Variants in GPC5 observed in about 807,000 individuals in gnomAD.
GPC5 encodes the protein glypican-5.
In GPC5, 47 loss-of-function variants were observed where a neutral mutation model predicts 53.9. The observed-to-expected ratio is 0.87, with a 90% CI of 0.69 to 1.11. The LOEUF (loss-of-function observed/expected upper bound fraction) is 1.11, where lower values mean the gene tolerates loss of function less well. Ranked by LOEUF, GPC5 falls within the 50% of genes most tolerant of loss-of-function variation. The pLI, the probability that GPC5 is intolerant of heterozygous loss-of-function variation, is 0.00. For synonymous variants in GPC5, 286 were observed against 263.3 expected, an observed-to-expected ratio of 1.09 and a Z score of -0.84; for missense variants, 748 against 713.1, an observed-to-expected ratio of 1.05 and a Z score of -0.56.
intron 5 of GPC5, among the ~76,000 whole-genome samples, chr13:91,849,136 C>T (rs1452811353): frequency 6.6e-6 from 1 of 152,170 alleles, no homozygotes; most frequent in Non-Finnish European, 1.5e-5. Flanking sequence ...AAACACATTG[C>T]TCTTTTTCTG....
At chr13:92,376,755 C>T (rs574338492) in intron 7 of GPC5, among the ~76,000 whole-genome samples, 1 of 152,098 alleles carries the variant, frequency 6.6e-6, no homozygotes, top group African/African-American at 2.4e-5. Flanking sequence ...GTGGCTCACG[C>T]CTGTAATCCC....
chr13:91,691,226 C>T (rs112376097), intron 2 of GPC5, among the ~76,000 whole-genome samples: 12 of 152,200 alleles, frequency 7.9e-5, no homozygotes, highest in South Asian at 2.1e-4. Flanking sequence ...ATATTTTACA[C>T]GTATTTGCAA....
chr13:91,475,429 G>A (rs569619708), intron 2 of GPC5, among the ~76,000 whole-genome samples: 1 of 152,266 alleles, frequency 6.6e-6, no homozygotes, highest in Admixed American at 6.5e-5. Flanking sequence ...AAAAAATTGT[G>A]TAAAAATAGT....
chr13:92,765,244 C>T (rs1875355459), intron 7 of GPC5, among the ~76,000 whole-genome samples: 1 of 152,122 alleles, frequency 6.6e-6, no homozygotes, highest in Admixed American at 6.6e-5. Flanking sequence ...ATGCATGTTG[C>T]ATACAGCCTG....
intron 7 of GPC5, among the ~76,000 whole-genome samples, chr13:92,589,943 C>T (rs995566038): frequency 5.9e-5 from 9 of 151,940 alleles, no homozygotes; most frequent in African/African-American, 2.2e-4. Flanking sequence ...GGCTGTGTGG[C>T]CAAGGTTAAA....
At chr13:92,400,556 T>C (rs1461693710) in intron 7 of GPC5, among the ~76,000 whole-genome samples, 1 of 152,150 alleles carries the variant, frequency 6.6e-6, no homozygotes, top group Non-Finnish European at 1.5e-5. Context: ...TTTCCATATA[T>C]CCAAATTTTA....
intron 6 of GPC5, among the ~76,000 whole-genome samples, chr13:92,028,934 C>T (rs1420121457): frequency 6.6e-6 from 1 of 152,106 alleles, no homozygotes; most frequent in Admixed American, 6.5e-5. Context: ...AATTCATATA[C>T]AGTAGAATGT....
intron 7 of GPC5, among the ~76,000 whole-genome samples, chr13:92,514,498 T>C (rs1166757091): frequency 6.6e-6 from 1 of 152,144 alleles, no homozygotes; most frequent in African/African-American, 2.4e-5. Context: ...GCCCAAGGCA[T>C]TGTTGTACGT....
intron 7 of GPC5, among the ~76,000 whole-genome samples, chr13:92,160,579 A>G (rs2041980164): frequency 6.6e-6 from 1 of 152,126 alleles, no homozygotes; most frequent in Non-Finnish European, 1.5e-5. Context: ...TTCCTGGAAA[A>G]TCATCCCTTG....
At chr13:92,101,597 GAA>G (rs1440847561) in intron 6 of GPC5, among the ~76,000 whole-genome samples, 2 of 152,154 alleles carry the variant, frequency 1.3e-5, no homozygotes, top group Admixed American at 6.5e-5. Context: ...TAGGATGAAA[GAA>G]TTTAAACATG....
chr13:91,423,521 A>T (rs1263178207), intron 1 of GPC5, among the ~76,000 whole-genome samples: 5 of 152,148 alleles, frequency 3.3e-5, no homozygotes, highest in African/African-American at 4.8e-5. Flanking sequence ...GGATATACAT[A>T]GGCTTAAGAA....
In GPC5 at chr13:91,845,731, G is replaced by A. The variant is rs527721871; in HGVS notation, c.1281-62206G>A. On this transcript the variant is annotated intron_variant, in intron 5 of 7. Coordinates refer to ENST00000377067, the MANE Select transcript of GPC5 (RefSeq NM_004466.6). ...AATAAAAATATTAAATAGTATTACC[G>A]TGTCTGAGTGCCTTTCCTGTATTTC... Among the ~76,000 whole-genome samples, 81 of 152,242 alleles carry A rather than the reference G, an allele frequency of 5.3e-4. No homozygotes were observed. In the South Asian group the frequency reaches 0.013, roughly 25 times the overall value.
At chr13:91,689,285 G>T (rs1308804245) in intron 2 of GPC5, among the ~76,000 whole-genome samples, 1 of 140,074 alleles carries the variant, frequency 7.1e-6, no homozygotes, top group African/African-American at 2.6e-5. Flanking sequence ...CCTGCATAGG[G>T]CACATAGCAT....
At chr13:92,171,359 T>C (rs954792674) in intron 7 of GPC5, among the ~76,000 whole-genome samples, 3 of 151,900 alleles carry the variant, frequency 2.0e-5, no homozygotes, top group Admixed American at 2.0e-4. Flanking sequence ...TTTTGAAAAG[T>C]CAATAAATAT....
intron 6 of GPC5, among the ~76,000 whole-genome samples, chr13:91,913,847 A>G (rs1327543425): frequency 3.3e-5 from 5 of 152,190 alleles, no homozygotes; most frequent in African/African-American, 1.2e-4. Context: ...TAAATGTGGT[A>G]TATCCAATGG....
intron 2 of GPC5, among the ~76,000 whole-genome samples, chr13:91,590,589 A>C (rs570257202): frequency 3.4e-4 from 52 of 152,300 alleles, no homozygotes; most frequent in African/African-American, 1.2e-3. Flanking sequence ...TAGTCCTCTG[A>C]AGTAAAATAA....
chr13:92,181,478 C>T (rs532715764), intron 7 of GPC5, among the ~76,000 whole-genome samples: 10 of 152,178 alleles, frequency 6.6e-5, no homozygotes, highest in Admixed American at 6.5e-4. Flanking sequence ...TGCTATATAT[C>T]ATGCTAAGTG....
intron 2 of GPC5, among the ~76,000 whole-genome samples, chr13:91,616,124 G>A (rs1473544820): frequency 6.6e-6 from 1 of 152,126 alleles, no homozygotes; most frequent in African/African-American, 2.4e-5. Context: ...TAGTAAGGGG[G>A]CTTATATTGC....
chr13:92,371,999 G>A (rs1393244059), intron 7 of GPC5, among the ~76,000 whole-genome samples: 1 of 152,192 alleles, frequency 6.6e-6, no homozygotes, highest in Admixed American at 6.5e-5. Flanking sequence ...GCCCCCAGGT[G>A]ACAGCCAGCA....
Sources: allele counts gnomAD v4.1 joint callset (sites outside exome capture counted in the v4.1 genomes callset), GRCh38; gene constraint gnomAD v4.1.1; transcripts MANE v1.5; gene names NCBI Gene and HGNC (gene_info 2026-07-23, HGNC 2026-07-21).